The following TRPM1 variants were observed in gnomAD, a reference collection of about 807,000 sequenced individuals.
The protein encoded by TRPM1 is transient receptor potential cation channel subfamily M member 1, also known as TRPM1-203 APA Isoform, Intron 10.
In TRPM1, 113 loss-of-function variants were observed where a neutral mutation model predicts 149.4. That is an observed-to-expected ratio of 0.76 (90% confidence interval 0.65 to 0.88). The LOEUF (loss-of-function observed/expected upper bound fraction) is 0.88. Among genes scored for constraint, TRPM1 ranks in the 40% least tolerant of loss-of-function variants. TRPM1 has a pLI of 0.00. For missense variants in TRPM1, 1,976 were observed against 2,038.7 expected (o/e 0.97, Z 0.59); for synonymous variants, 741 against 759.5 (o/e 0.98, Z 0.40).
At position 31,152,235 on chromosome 15, in the gene TRPM1, T is replaced by C. The variant is rs530154301; in HGVS notation, c.54+8671A>G. Among the ~76,000 whole-genome samples the C allele has an allele frequency of 2.0e-5, 3 of 152,362 alleles. No homozygotes were observed. The East Asian group carries it at 5.8e-4, about 29-fold the overall frequency. On this transcript the variant is annotated intron_variant, in intron 1 of 26. Transcript: ENST00000542188. ...TCAGGCATGGGCATGGATTAGTGCC[T>C]GGGTCTGAAGTGCCCCCCAACCCTC...
chr15:31,113,223 C>A (rs556236009), intron 1 of TRPM1, among the ~76,000 whole-genome samples: 47 of 152,284 alleles, frequency 3.1e-4, no homozygotes, highest in African/African-American at 1.1e-3. Flanking sequence ...GAGTGAATCT[C>A]CCAGCCAAAT....
chr15:31,001,716 T>C lies in TRPM1; in HGVS notation c.*106A>G. On this transcript the variant is annotated 3_prime_UTR_variant, in exon 28 of 28. Transcript: ENST00000256552. The stretch of plus-strand genomic sequence containing the variant: ...GTAAATCAAGTCTGAATTTCCAAAA[T>C]TTTTTAAGGAAAATGTTTTTAGAAA... 1 of 1,353,508 alleles carries C rather than the reference T, an allele frequency of 7.4e-7. No individual in the cohort carries two copies. Among genetic ancestry groups the C allele is most frequent in the Non-Finnish European group, 1.0e-6 (1 of 1,004,156 alleles). The allele number at this position is 1,353,508 out of a possible 1,614,324, so 83.8% of individuals were successfully genotyped here.
At chr15:31,055,929 T>G (rs2034070969) in intron 11 of TRPM1, among the ~76,000 whole-genome samples, 1 of 152,144 alleles carries the variant, frequency 6.6e-6, no homozygotes, top group Non-Finnish European at 1.5e-5. Flanking sequence ...AAAATAGAGA[T>G]AATCTAGGGA....
At chr15:31,052,795 A>G (rs921855842) in intron 11 of TRPM1, among the ~76,000 whole-genome samples, 1 of 152,230 alleles carries the variant, frequency 6.6e-6, no homozygotes. Flanking sequence ...TTAATTAATT[A>G]AACTAAAATG....
intron 1 of TRPM1, among the ~76,000 whole-genome samples, chr15:31,114,100 G>A (rs28670573): frequency 0.032 from 4,854 of 152,176 alleles, 171 homozygotes; most frequent in East Asian, 0.1. Flanking sequence ...GTCCCCACTG[G>A]ACACAGAAGC....
intron 11 of TRPM1, among the ~76,000 whole-genome samples, chr15:31,055,808 C>T (rs572487093): frequency 1.6e-3 from 242 of 152,326 alleles, no homozygotes; most frequent in African/African-American, 5.5e-3. Flanking sequence ...TTAAGCAGTT[C>T]TATCCCTCAT....
intron 1 of TRPM1, among the ~76,000 whole-genome samples, chr15:31,121,306 A>C (rs150807118): frequency 2.0e-5 from 3 of 152,098 alleles, no homozygotes; most frequent in South Asian, 4.1e-4. Context: ...AGAACAAATT[A>C]AAACTAATAT....
At chr15:31,038,333 A>C (rs1261284644) in intron 18 of TRPM1, among the ~76,000 whole-genome samples, 167 bp from the exon 19 acceptor site, 1 of 152,222 alleles carries the variant, frequency 6.6e-6, no homozygotes, top group Admixed American at 6.5e-5. Context: ...AATTAGTAGA[A>C]TTGCAGGCAG....
At chr15:31,157,745 G>A (rs2036395725) in intron 1 of TRPM1, among the ~76,000 whole-genome samples, 1 of 152,080 alleles carries the variant, frequency 6.6e-6, no homozygotes, top group Non-Finnish European at 1.5e-5. Flanking sequence ...CACCCCAGTT[G>A]GTCTAAGACC....
rs981000776 is a variant in TRPM1, at chr15:31,063,205, T to G, written c.878A>C (p.Glu293Ala). The part of the protein sequence containing the change: ...VSIVLEYLQE[E>A]PPIPVVICDG... ...ACAAATCACCACAGGGATGGGAGGCTCTTCTTGCAGGTATTCCAAGACGAT... is the reference window on the plus strand; with the variant it reads ...ACAAATCACCACAGGGATGGGAGGCGCTTCTTGCAGGTATTCCAAGACGAT... Residue 293 changes from glutamate (E) to alanine (A), a missense_variant, in exon 8 of 28, where the codon GAG becomes GCG. By Grantham distance (107) the Glu-to-Ala change is moderately radical. This residue lies in a region of TRPM1 where 1,332 missense variants were observed against 1,347.1 expected (regional missense o/e 0.99). Coordinates refer to ENST00000256552, the MANE Select transcript of TRPM1 (RefSeq NM_001252024.2). 5 of 1,614,008 alleles carry G rather than the reference T, an allele frequency of 3.1e-6. No homozygotes were observed. The African/African-American group carries it at 6.7e-5, about 22-fold the overall frequency.
At chr15:31,147,765 A>G (rs2036240855) in intron 1 of TRPM1, among the ~76,000 whole-genome samples, 1 of 152,250 alleles carries the variant, frequency 6.6e-6, no homozygotes, top group Non-Finnish European at 1.5e-5. Context: ...CCAAGGACAC[A>G]AATAGACTGA....
chr15:31,031,912 C>G (rs1026128162), intron 22 of TRPM1, among the ~76,000 whole-genome samples: 1 of 151,932 alleles, frequency 6.6e-6, no homozygotes, highest in Non-Finnish European at 1.5e-5. Context: ...AGTAAATGAG[C>G]TGAAGATCAT....
intron 27 of TRPM1, among the ~76,000 whole-genome samples, chr15:31,010,380 A>C (rs990206833): frequency 6.6e-6 from 1 of 152,050 alleles, no homozygotes; most frequent in African/African-American, 2.4e-5. Context: ...TGTCTTTGAG[A>C]TCTTTCTTCT....
intron 7 of TRPM1, 135 bp from the exon 8 acceptor site, chr15:31,063,427 G>C (rs2034290404): frequency 1.8e-6 from 2 of 1,104,740 alleles, no homozygotes; most frequent in Non-Finnish European, 2.7e-6. Context: ...AAGGAATTCA[G>C]GCATGTGATA....
In TRPM1 at chr15:31,133,824, G is replaced by A. The variant is rs117320799; in HGVS notation, c.54+27082C>T. 2.5e-3 allele frequency among the ~76,000 whole-genome samples: 387 copies of A among 152,294 alleles called. 1 individual carries two copies. Among genetic ancestry groups the A allele is most frequent in the Admixed American group, 4.9e-3 (75 of 15,294 alleles). On this transcript the variant is annotated intron_variant, in intron 1 of 26. Transcript: ENST00000542188. ...GAGATGGCAGATGGAAAGTATTTGTGGGGCTAGGACATAGAGACAGAGCCT... is the reference window on the plus strand; with the variant it reads ...GAGATGGCAGATGGAAAGTATTTGTAGGGCTAGGACATAGAGACAGAGCCT...
chr15:31,128,035 A>C (rs1208044969), intron 1 of TRPM1, among the ~76,000 whole-genome samples: 1 of 152,264 alleles, frequency 6.6e-6, no homozygotes, highest in African/African-American at 2.4e-5. Flanking sequence ...GGCTGAAACC[A>C]GATCTTTATT....
chr15:31,116,830 G>A (rs1391249677), intron 1 of TRPM1, among the ~76,000 whole-genome samples: 2 of 152,110 alleles, frequency 1.3e-5, no homozygotes, highest in African/African-American at 2.4e-5. Context: ...GGTAAACAGT[G>A]TAATCCCTGG....
chr15:31,160,778 T>C (rs2036434376), intron 1 of TRPM1: 1 of 1,023,620 alleles, frequency 9.8e-7, no homozygotes, highest in Non-Finnish European at 1.5e-6. Context: ...CCATGCCCCA[T>C]GCCCACCCAG....
chr15:31,047,826 G>A (rs1241606364), intron 14 of TRPM1, 63 bp downstream of exon 14: 2 of 1,330,524 alleles, frequency 1.5e-6, no homozygotes. Context: ...TTTAAAACTT[G>A]CTCTTAAGAA....
Sources: gnomAD v4.1 joint callset for allele counts (sites outside exome capture counted in the v4.1 genomes callset) on GRCh38, gnomAD v4.1.1 for gene constraint, gnomAD v4.1.1 regional missense constraint, MANE v1.5 for transcripts, NCBI Gene and HGNC (gene_info 2026-07-23, HGNC 2026-07-21) for gene names.